Variants in PHACTR1 observed in about 807,000 individuals in gnomAD.
The protein encoded by PHACTR1 is phosphatase and actin regulator 1, also known as RPEL repeat containing 1.
PHACTR1 carries 16 observed loss-of-function variants against 69.2 expected under a neutral mutation model. The observed-to-expected ratio is 0.23, with a 90% CI of 0.16 to 0.35. The LOEUF is 0.35. PHACTR1 is among the 10% of genes least tolerant of loss of function. PHACTR1 has a pLI of 1.00. For synonymous variants in PHACTR1, 312 were observed against 284.5 expected (o/e 1.10, Z -0.97); for missense variants, 510 against 734.7 (o/e 0.69, Z 3.54).
intron 5 of PHACTR1, among the ~76,000 whole-genome samples, chr6:13,110,862 G>A (rs1046578623): frequency 2.0e-5 from 3 of 152,232 alleles, no homozygotes; most frequent in African/African-American, 7.2e-5. Context: ...TAGTATCATG[G>A]CTGGAAGCTG....
At chr6:12,908,333 G>A (rs113451728) in intron 4 of PHACTR1, among the ~76,000 whole-genome samples, 1 of 152,150 alleles carries the variant, frequency 6.6e-6, no homozygotes, top group Non-Finnish European at 1.5e-5. Context: ...ATTAAAAATA[G>A]AATTGGACAA....
At chr6:12,727,380 C>T (rs1177200071) in intron 3 of PHACTR1, among the ~76,000 whole-genome samples, 5 of 152,176 alleles carry the variant, frequency 3.3e-5, no homozygotes, top group African/African-American at 2.4e-5. Context: ...AAGTCTCATT[C>T]TTGGTGCTCA....
intron 5 of PHACTR1, among the ~76,000 whole-genome samples, chr6:13,089,118 A>C (rs1389941759): frequency 6.6e-6 from 1 of 152,190 alleles, no homozygotes; most frequent in Non-Finnish European, 1.5e-5. Context: ...AAGAGGACAA[A>C]CTGAACAAGA....
chr6:13,192,626 G>A (rs939772368), intron 7 of PHACTR1, among the ~76,000 whole-genome samples: 3 of 152,340 alleles, frequency 2.0e-5, no homozygotes, highest in Admixed American at 2.0e-4. Context: ...AAGATGGACA[G>A]TAATGCTGTT....
intron 4 of PHACTR1, among the ~76,000 whole-genome samples, chr6:13,040,287 T>C (rs961487318): frequency 9.2e-5 from 14 of 152,214 alleles, no homozygotes; most frequent in Non-Finnish European, 2.9e-5. Flanking sequence ...TCTCTATTTC[T>C]TGTGCCTGCC....
Position 12,832,992 on chromosome 6 carries a change from T to C in PHACTR1, c.250+83202T>C, listed in dbSNP as rs141700613. ...AAAAGAGCAAATTCCAAATTAGCAATGGTTCCAAATTTGGTGAGGTAGATA... is the reference window on the plus strand; with the variant it reads ...AAAAGAGCAAATTCCAAATTAGCAACGGTTCCAAATTTGGTGAGGTAGATA... On this transcript the variant is annotated intron_variant, in intron 4 of 14. Transcript: ENST00000332995. Among the ~76,000 whole-genome samples, 626 of 152,210 alleles carry C rather than the reference T, an allele frequency of 4.1e-3. 4 individuals are homozygous for C. Among genetic ancestry groups the C allele is most frequent in the African/African-American group, 0.014 (598 of 41,548 alleles).
chr6:12,902,821 C>T (rs1042712163), intron 4 of PHACTR1, among the ~76,000 whole-genome samples: 4 of 152,090 alleles, frequency 2.6e-5, no homozygotes, highest in African/African-American at 9.7e-5. Flanking sequence ...ATGAACTATC[C>T]ATATTTTGAT....
chr6:13,021,546 A>G (rs537682495), intron 4 of PHACTR1, among the ~76,000 whole-genome samples: 32 of 152,360 alleles, frequency 2.1e-4, no homozygotes, highest in Middle Eastern at 3.4e-3. Flanking sequence ...ACCTGGGAGT[A>G]GAATTGCTAG....
intron 7 of PHACTR1, among the ~76,000 whole-genome samples, chr6:13,188,466 A>T (rs1277295766): frequency 6.6e-6 from 1 of 152,194 alleles, no homozygotes; most frequent in African/African-American, 2.4e-5. Flanking sequence ...TGCTCTGGTG[A>T]CATGTTTGAA....
At chr6:12,865,167 C>A (rs548912365) in intron 4 of PHACTR1, among the ~76,000 whole-genome samples, 1 of 152,242 alleles carries the variant, frequency 6.6e-6, no homozygotes, top group Admixed American at 6.5e-5. Flanking sequence ...TGGATAGCCA[C>A]CGTAGCAGAG....
intron 4 of PHACTR1, among the ~76,000 whole-genome samples, chr6:12,986,059 C>T: frequency 6.6e-6 from 1 of 152,180 alleles, no homozygotes. Flanking sequence ...TGGTCTCAAA[C>T]TCCTGATCTC....
intron 4 of PHACTR1, among the ~76,000 whole-genome samples, chr6:12,971,800 A>C (rs937390180): frequency 2.6e-5 from 4 of 152,234 alleles, no homozygotes; most frequent in African/African-American, 9.6e-5. Context: ...ATTATGTCTT[A>C]ATAAGCTGTT....
chr6:12,725,214 AC>A (rs1421666384), intron 3 of PHACTR1, among the ~76,000 whole-genome samples: 19 of 152,272 alleles, frequency 1.2e-4, no homozygotes, highest in Admixed American at 6.5e-4. Context: ...AGAGCAGCTG[AC>A]TTTTGAGTCT....
chr6:12,882,640 A>G (rs1220768749), intron 4 of PHACTR1, among the ~76,000 whole-genome samples: 3 of 152,184 alleles, frequency 2.0e-5, no homozygotes, highest in Non-Finnish European at 4.4e-5. Context: ...GTAAAAACAA[A>G]AAAAGAAAAG....
At chr6:13,046,020 C>G (rs956283522) in intron 4 of PHACTR1, among the ~76,000 whole-genome samples, 2 of 152,188 alleles carry the variant, frequency 1.3e-5, no homozygotes, top group Non-Finnish European at 1.5e-5. Context: ...ATTGATTCTT[C>G]CCCCATGAGG....
At chr6:13,063,601 C>A (rs529770276) in intron 5 of PHACTR1, among the ~76,000 whole-genome samples, 87 of 148,372 alleles carry the variant, frequency 5.9e-4, no homozygotes, top group African/African-American at 2.1e-3. Flanking sequence ...CAGAAAGAGC[C>A]CATTACCACA....
At chr6:13,040,938 A>G (rs13205551) in intron 4 of PHACTR1, among the ~76,000 whole-genome samples, 25,049 of 152,170 alleles carry the variant, frequency 0.16, 2,565 homozygotes, top group South Asian at 0.26. Context: ...CTGATGTTCA[A>G]AGTCCCAATT....
intron 4 of PHACTR1, among the ~76,000 whole-genome samples, chr6:12,810,133 T>A (rs892927637): frequency 1.3e-5 from 2 of 152,230 alleles, no homozygotes; most frequent in Non-Finnish European, 2.9e-5. Flanking sequence ...ATTAATCAAA[T>A]GAAATCTACG....
At chr6:13,145,835 G>A (rs1823261599) in intron 5 of PHACTR1, among the ~76,000 whole-genome samples, 1 of 152,200 alleles carries the variant, frequency 6.6e-6, no homozygotes, top group Admixed American at 6.5e-5. Context: ...ACAAATTCCT[G>A]TTGTTTAAGC....
Sources: allele counts gnomAD v4.1 joint callset (sites outside exome capture counted in the v4.1 genomes callset), GRCh38; gene constraint gnomAD v4.1.1; transcripts MANE v1.5; gene names NCBI Gene and HGNC (gene_info 2026-07-23, HGNC 2026-07-21).